The following CSMD1 variants were observed in gnomAD, a reference collection of about 807,000 sequenced individuals.
The protein encoded by CSMD1 is CUB and Sushi multiple domains 1.
Under a neutral mutation model 417.5 loss-of-function variants are expected in CSMD1, and 213 were observed. The observed-to-expected ratio is 0.51, with a 90% CI of 0.46 to 0.57. The LOEUF is 0.57. CSMD1 is among the 20% of genes least tolerant of loss of function. The pLI, the probability that CSMD1 is intolerant of heterozygous loss-of-function variation, is 0.00. For synonymous variants in CSMD1, 2,862 were observed against 1,736.8 expected (o/e 1.65, Z -16.11); for missense variants, 6,923 against 4,529.7 (o/e 1.53, Z -15.17).
intron 5 of CSMD1, among the ~76,000 whole-genome samples, chr8:3,876,804 G>A (rs561405182): frequency 6.6e-6 from 1 of 152,096 alleles, no homozygotes; most frequent in Non-Finnish European, 1.5e-5. Flanking sequence ...TAGAAACGAG[G>A]TTTCACCATG....
intron 3 of CSMD1, among the ~76,000 whole-genome samples, chr8:4,159,079 C>G (rs139544694): frequency 3.3e-5 from 5 of 152,048 alleles, no homozygotes; most frequent in Non-Finnish European, 7.4e-5. Flanking sequence ...CCAGGCCCAG[C>G]TAATTTTTGT....
intron 1 of CSMD1, among the ~76,000 whole-genome samples, chr8:4,760,540 G>T (rs1811971449): frequency 6.6e-6 from 1 of 151,954 alleles, no homozygotes; most frequent in African/African-American, 2.4e-5. Flanking sequence ...ATATTCTTTA[G>T]ACATATATTA....
At chr8:3,075,408 A>T (rs1009643683) in intron 49 of CSMD1, among the ~76,000 whole-genome samples, 2 of 151,344 alleles carry the variant, frequency 1.3e-5, no homozygotes, top group African/African-American at 2.4e-5. Flanking sequence ...CAGCCTCCCA[A>T]GTAGCTGGGA....
At chr8:3,868,712 T>G (rs1180460429) in intron 5 of CSMD1, among the ~76,000 whole-genome samples, 1 of 152,170 alleles carries the variant, frequency 6.6e-6, no homozygotes, top group Non-Finnish European at 1.5e-5. Flanking sequence ...CCTAAAAGCC[T>G]TGGGGGCACT....
chr8:4,090,709 G>A (rs532186982), intron 3 of CSMD1, among the ~76,000 whole-genome samples: 1 of 152,246 alleles, frequency 6.6e-6, no homozygotes, highest in South Asian at 2.1e-4. Context: ...TTCTAGTGGA[G>A]TTTTAAATCA....
chr8:3,066,729 T>C (rs1216970695), intron 49 of CSMD1, among the ~76,000 whole-genome samples: 1 of 152,166 alleles, frequency 6.6e-6, no homozygotes, highest in African/African-American at 2.4e-5. Context: ...AGATTACCAA[T>C]TCTGATAATT....
intron 2 of CSMD1, among the ~76,000 whole-genome samples, chr8:4,608,609 C>A (rs528062285): frequency 2.1e-4 from 32 of 152,304 alleles, no homozygotes; most frequent in African/African-American, 7.7e-4. Flanking sequence ...ACTACAAATG[C>A]GTCATTTTCG....
chr8:4,446,607 G>A lies in CSMD1; in HGVS notation c.303-26542C>T, dbSNP rs767885633. ...CTCATTCTGTCACCCAGGCTGCAGT[G>A]CAGCAGCGCGATCTCAGCTCACTGC... is the stretch of plus-strand genomic sequence containing the variant. On this transcript the variant is annotated intron_variant, in intron 2 of 69. Transcript: ENST00000635120. Among the ~76,000 whole-genome samples, 5 of 152,242 alleles carry A rather than the reference G, an allele frequency of 3.3e-5. No homozygotes were observed. In the South Asian group the frequency reaches 8.3e-4, roughly 25 times the overall value.
At chr8:3,939,530 G>T (rs1810734498) in intron 5 of CSMD1, among the ~76,000 whole-genome samples, 1 of 152,038 alleles carries the variant, frequency 6.6e-6, no homozygotes, top group African/African-American at 2.4e-5. Flanking sequence ...CTACTCAAAG[G>T]AAAAGACGTC....
At chr8:3,063,721 G>C (rs767180154) in intron 49 of CSMD1, among the ~76,000 whole-genome samples, 85 of 152,188 alleles carry the variant, frequency 5.6e-4, no homozygotes, top group Admixed American at 1.1e-3. Context: ...GCGAAGTGAA[G>C]CCATAAAAAG....
intron 41 of CSMD1, chr8:3,128,656 T>G (rs1162593706): frequency 3.1e-6 from 1 of 319,170 alleles, no homozygotes; most frequent in Non-Finnish European, 6.1e-6. Context: ...ACTATCTAAT[T>G]AAGTGTCACC....
At chr8:4,421,990 C>G (rs1299620383) in intron 2 of CSMD1, among the ~76,000 whole-genome samples, 1 of 151,942 alleles carries the variant, frequency 6.6e-6, no homozygotes, top group East Asian at 1.9e-4. Context: ...CAGAATTCAT[C>G]ATAAAGATAA....
chr8:3,944,943 C>G, intron 5 of CSMD1, among the ~76,000 whole-genome samples: 1 of 152,124 alleles, frequency 6.6e-6, no homozygotes, highest in East Asian at 1.9e-4. Context: ...TGTTATTCTT[C>G]GACATTACAA....
chr8:4,479,098 T>C (rs1056338451), intron 2 of CSMD1, among the ~76,000 whole-genome samples: 1 of 152,182 alleles, frequency 6.6e-6, no homozygotes, highest in Non-Finnish European at 1.5e-5. Flanking sequence ...AAGACACAGT[T>C]ATATCTATTT....
intron 5 of CSMD1, among the ~76,000 whole-genome samples, chr8:3,764,358 C>T (rs557072155): frequency 6.6e-6 from 1 of 152,168 alleles, no homozygotes; most frequent in Non-Finnish European, 1.5e-5. Context: ...CTGCTCTAAA[C>T]CACATTACAT....
At chr8:3,208,918 G>T (rs902241133) in intron 30 of CSMD1, among the ~76,000 whole-genome samples, 1 of 152,032 alleles carries the variant, frequency 6.6e-6, no homozygotes, top group African/African-American at 2.4e-5. Flanking sequence ...GCATATTGTG[G>T]GAATTTGTGA....
At chr8:3,640,268 G>C (rs1411175901) in intron 7 of CSMD1, among the ~76,000 whole-genome samples, 1 of 152,148 alleles carries the variant, frequency 6.6e-6, no homozygotes, top group African/African-American at 2.4e-5. Flanking sequence ...ATTCACTGAG[G>C]TAATGAGCCT....
chr8:4,319,003 C>T (rs1407568604), intron 3 of CSMD1, among the ~76,000 whole-genome samples: 1 of 152,094 alleles, frequency 6.6e-6, no homozygotes, highest in African/African-American at 2.4e-5. Flanking sequence ...CAGCTTGAGG[C>T]CTTAAGTCTA....
intron 1 of CSMD1, among the ~76,000 whole-genome samples, chr8:4,854,860 C>T (rs1349980190): frequency 6.6e-6 from 1 of 152,202 alleles, no homozygotes; most frequent in Non-Finnish European, 1.5e-5. Context: ...ATTGCCCAGG[C>T]TTGCTTAGGT....
Sources: gnomAD v4.1 joint callset for allele counts (sites outside exome capture counted in the v4.1 genomes callset) on GRCh38, gnomAD v4.1.1 for gene constraint, MANE v1.5 for transcripts, NCBI Gene and HGNC (gene_info 2026-07-23, HGNC 2026-07-21) for gene names.